The following CTDSPL variants were observed in gnomAD, a reference collection of about 807,000 sequenced individuals.
CTDSPL encodes the protein CTD small phosphatase like, also known as CTD small phosphatase-like protein.
A neutral mutation model predicts 30.5 loss-of-function variants in CTDSPL; 8 were observed. That is an observed-to-expected ratio of 0.26 (90% confidence interval 0.15 to 0.47). CTDSPL has a LOEUF of 0.47. Ranked by LOEUF, CTDSPL falls within the 20% of genes least tolerant of loss-of-function variation. The pLI is 0.99. For synonymous variants in CTDSPL, 110 were observed against 137.9 expected (o/e 0.80, Z 1.42); for missense variants, 248 against 366.1 (o/e 0.68, Z 2.63).
At chr3:37,910,858 C>T (rs1470459771) in intron 1 of CTDSPL, among the ~76,000 whole-genome samples, 1 of 152,266 alleles carries the variant, frequency 6.6e-6, no homozygotes, top group East Asian at 1.9e-4. Flanking sequence ...GAGCTCACCA[C>T]ATGTGAATGT....
chr3:37,971,025 G>A (rs933827293), intron 5 of CTDSPL, among the ~76,000 whole-genome samples: 6 of 152,332 alleles, frequency 3.9e-5, no homozygotes, highest in Admixed American at 1.3e-4. Flanking sequence ...CACCCAGACC[G>A]TGGCCCGTGC....
intron 1 of CTDSPL, among the ~76,000 whole-genome samples, chr3:37,943,222 C>A (rs895168695): frequency 2.0e-5 from 3 of 150,176 alleles, no homozygotes. Flanking sequence ...GTCAGACACA[C>A]GTTCATTTGG....
chr3:37,932,836 GA>G (rs1202533533), intron 1 of CTDSPL, among the ~76,000 whole-genome samples: 1 of 152,158 alleles, frequency 6.6e-6, no homozygotes, highest in Non-Finnish European at 1.5e-5. Flanking sequence ...CTTCTAAGGG[GA>G]TAATCTGACA....
intron 1 of CTDSPL, among the ~76,000 whole-genome samples, chr3:37,873,830 T>C (rs1198214875): frequency 6.6e-6 from 1 of 152,246 alleles, no homozygotes; most frequent in Non-Finnish European, 1.5e-5. Flanking sequence ...TCTAGATCAG[T>C]AGGGCATCAG....
chr3:37,945,848 C>A (rs551292791), intron 1 of CTDSPL, among the ~76,000 whole-genome samples: 2 of 152,222 alleles, frequency 1.3e-5, no homozygotes, highest in Admixed American at 6.5e-5. Flanking sequence ...GAATTTCCAT[C>A]TGAATGCACT....
intron 5 of CTDSPL, chr3:37,968,333 G>A: frequency 2.4e-6 from 1 of 424,124 alleles, no homozygotes; most frequent in Non-Finnish European, 4.7e-6. Context: ...GTTTTCTCCA[G>A]AGAATCTTTA....
At chr3:37,890,196 G>A (rs1008557655) in intron 1 of CTDSPL, among the ~76,000 whole-genome samples, 1 of 152,118 alleles carries the variant, frequency 6.6e-6, no homozygotes. Flanking sequence ...ACGTATGCGC[G>A]CACACCCACA....
At chr3:37,968,263 G>C in intron 5 of CTDSPL, 1 of 457,690 alleles carries the variant, frequency 2.2e-6, no homozygotes, top group Non-Finnish European at 4.4e-6. Context: ...GTGGACTCTC[G>C]GGAAAAAGTG....
At chr3:37,874,064 A>G (rs1434951329) in intron 1 of CTDSPL, among the ~76,000 whole-genome samples, 1 of 152,228 alleles carries the variant, frequency 6.6e-6, no homozygotes, top group Admixed American at 6.5e-5. Context: ...GGCAAACACA[A>G]AGGACCTTAT....
intron 2 of CTDSPL, among the ~76,000 whole-genome samples, chr3:37,956,370 AAAG>A (rs1699173098): frequency 1.3e-5 from 2 of 152,256 alleles, no homozygotes; most frequent in Admixed American, 1.3e-4. Flanking sequence ...GCCATCTAAA[AAAG>A]AAGAAACAGA....
At chr3:37,917,375 A>G (rs1203045602) in intron 1 of CTDSPL, among the ~76,000 whole-genome samples, 1 of 152,244 alleles carries the variant, frequency 6.6e-6, no homozygotes, top group African/African-American at 2.4e-5. Context: ...TTTATATACA[A>G]ATGAAAACTA....
intron 7 of CTDSPL, among the ~76,000 whole-genome samples, chr3:37,977,307 A>G (rs1699439823): frequency 6.6e-6 from 1 of 152,174 alleles, no homozygotes; most frequent in Admixed American, 6.5e-5. Context: ...CATTTGGAGT[A>G]TTTCAATCGG....
chr3:37,865,745 C>G (rs547193843), intron 1 of CTDSPL, among the ~76,000 whole-genome samples: 2 of 152,148 alleles, frequency 1.3e-5, no homozygotes, highest in African/African-American at 4.8e-5. Flanking sequence ...CCACAGCCAC[C>G]TTTAGGGCTG....
In CTDSPL at chr3:37,984,204, G is replaced by C. The variant is rs575680561; in HGVS notation, c.*3337G>C. On this transcript the variant is annotated 3_prime_UTR_variant, in exon 8 of 8. Coordinates refer to ENST00000273179, the MANE Select transcript of CTDSPL (RefSeq NM_001008392.2). ...TTGGCTGGCTGCCTCTGTTCCTACTGTACTGTAACTTTGATCATGTCTGTT... is the reference window on the plus strand; with the variant it reads ...TTGGCTGGCTGCCTCTGTTCCTACTCTACTGTAACTTTGATCATGTCTGTT... The C allele has an allele frequency of 4.4e-6, 2 of 456,732 alleles. No homozygotes were observed. Among genetic ancestry groups the C allele is most frequent in the South Asian group, 3.1e-5 (2 of 64,568 alleles). 28.3% of individuals were successfully genotyped at this position (456,732 alleles called of 1,614,324 possible).
At chr3:37,918,706 G>T (rs1394508768) in intron 1 of CTDSPL, among the ~76,000 whole-genome samples, 3 of 152,176 alleles carry the variant, frequency 2.0e-5, no homozygotes, top group African/African-American at 7.2e-5. Flanking sequence ...AATTGTGGTA[G>T]AGTTTTGTTT....
chr3:37,888,750 A>G (rs1575283260), intron 1 of CTDSPL, among the ~76,000 whole-genome samples: 1 of 152,184 alleles, frequency 6.6e-6, no homozygotes, highest in African/African-American at 2.4e-5. Flanking sequence ...CATCATCCTC[A>G]TCTCCTAGAA....
intron 1 of CTDSPL, among the ~76,000 whole-genome samples, chr3:37,881,782 A>G (rs1270033867): frequency 6.6e-6 from 1 of 152,012 alleles, no homozygotes; most frequent in Non-Finnish European, 1.5e-5. Flanking sequence ...GAAAAAAAAA[A>G]TGTTTACGCA....
At chr3:37,893,849 G>C (rs1036670193) in intron 1 of CTDSPL, among the ~76,000 whole-genome samples, 6 of 152,166 alleles carry the variant, frequency 3.9e-5, no homozygotes, top group Admixed American at 6.5e-5. Context: ...ATGGGTGACA[G>C]ATTGTTTTGT....
chr3:37,950,560 C>A (rs1699095173), intron 2 of CTDSPL, among the ~76,000 whole-genome samples: 1 of 152,174 alleles, frequency 6.6e-6, no homozygotes, highest in Non-Finnish European at 1.5e-5. Context: ...AAATATCTTA[C>A]AATTCAGACC....
Sources: gnomAD v4.1 joint callset for allele counts (sites outside exome capture counted in the v4.1 genomes callset) on GRCh38, gnomAD v4.1.1 for gene constraint, MANE v1.5 for transcripts, NCBI Gene and HGNC (gene_info 2026-07-23, HGNC 2026-07-21) for gene names.